CNTNAP2: variants seen among roughly 807,000 people sequenced by gnomAD.
CNTNAP2 encodes contactin-associated protein-like 2.
In CNTNAP2, 98 loss-of-function variants were observed where a neutral mutation model predicts 155.2. That is an observed-to-expected ratio of 0.63 (90% CI 0.54 to 0.75). The LOEUF is 0.75. Among genes scored for constraint, CNTNAP2 ranks in the 30% least tolerant of loss-of-function variants. The probability of loss-of-function intolerance (pLI) is 0.00; values close to 1 mark genes in which losing one functional copy is unlikely to be tolerated. For missense variants in CNTNAP2, 1,727 were observed against 1,688.1 expected, an observed-to-expected ratio of 1.02 and a Z score of -0.40; for synonymous variants, 651 against 631.2, an observed-to-expected ratio of 1.03 and a Z score of -0.47.
chr7:148,368,434 G>A (rs896799274), intron 21 of CNTNAP2, among the ~76,000 whole-genome samples: 9 of 152,176 alleles, frequency 5.9e-5, no homozygotes, highest in Non-Finnish European at 1.2e-4. Context: ...GTAGAGTGAT[G>A]GTTAAGAGCA....
chr7:148,122,264 T>G (rs1804613528), intron 16 of CNTNAP2, among the ~76,000 whole-genome samples: 1 of 152,178 alleles, frequency 6.6e-6, no homozygotes, highest in African/African-American at 2.4e-5. Context: ...AAGTCATTGC[T>G]GCTAACCTTA....
In CNTNAP2 at chr7:147,108,127, TA is replaced by T; in HGVS notation, c.551-19del. 6.4e-7 allele frequency: 1 copy of T among 1,571,544 alleles called. No homozygotes were observed. Among genetic ancestry groups the T allele is most frequent in the Non-Finnish European group, 8.6e-7 (1 of 1,157,894 alleles). On this transcript the variant is annotated intron_variant, in intron 4 of 23. Coordinates refer to ENST00000361727, the MANE Select transcript of CNTNAP2 (RefSeq NM_014141.6). Reference sequence around the variant, plus strand: ...AACATACATGGCTGAACTAATATGTTATTTTTTTTTTTGTTTTAGGGGCTGA... The same window carrying T: ...AACATACATGGCTGAACTAATATGTTTTTTTTTTTTTGTTTTAGGGGCTGA...
chr7:147,574,601 T>C (rs577243104), intron 12 of CNTNAP2, among the ~76,000 whole-genome samples: 81 of 149,534 alleles, frequency 5.4e-4, no homozygotes, highest in Non-Finnish European at 5.6e-4. Context: ...TCATTTTCTC[T>C]TTATTAGTCA....
In CNTNAP2 at chr7:147,603,913, C is replaced by T. The variant is rs1188949487; in HGVS notation, c.1898-35193C>T. On this transcript the variant is annotated intron_variant, in intron 12 of 23. Coordinates refer to ENST00000361727, the MANE Select transcript of CNTNAP2 (RefSeq NM_014141.6). ...AACAGAACAGAGCCCTCAGAAATAA[C>T]GCCGCATATCTACAACTATCTGATC... is the stretch of plus-strand genomic sequence containing the variant. 8.9e-4 allele frequency among the ~76,000 whole-genome samples: 135 copies of T among 151,744 alleles called. 2 individuals carry two copies. The South Asian group carries it at 0.02, about 23-fold the overall frequency.
At chr7:146,174,969 A>G (rs1798448654) in intron 1 of CNTNAP2, among the ~76,000 whole-genome samples, 1 of 152,200 alleles carries the variant, frequency 6.6e-6, no homozygotes, top group Admixed American at 6.5e-5. Context: ...AAATCTCATC[A>G]TAAGGTTGTA....
At chr7:147,331,622 GA>G (rs1795571163) in intron 9 of CNTNAP2, among the ~76,000 whole-genome samples, 1 of 151,868 alleles carries the variant, frequency 6.6e-6, no homozygotes, top group Admixed American at 6.6e-5. Flanking sequence ...ATGAGACTTA[GA>G]AAAAGCAGGT....
At chr7:146,501,470 A>G (rs1797299326) in intron 1 of CNTNAP2, among the ~76,000 whole-genome samples, 1 of 151,792 alleles carries the variant, frequency 6.6e-6, no homozygotes, top group Non-Finnish European at 1.5e-5. Flanking sequence ...GAATTTGCCC[A>G]TTTTCCCCAG....
At chr7:147,654,140 C>T (rs1233828121) in intron 13 of CNTNAP2, among the ~76,000 whole-genome samples, 2 of 152,036 alleles carry the variant, frequency 1.3e-5, no homozygotes, top group African/African-American at 4.8e-5. Flanking sequence ...AAGTGTGTAC[C>T]TCCTAAATGC....
intron 8 of CNTNAP2, among the ~76,000 whole-genome samples, chr7:147,224,814 A>G (rs1192601815): frequency 6.6e-6 from 1 of 152,182 alleles, no homozygotes; most frequent in Non-Finnish European, 1.5e-5. Context: ...ACACACATAT[A>G]CACCAGTGAT....
intron 2 of CNTNAP2, among the ~76,000 whole-genome samples, chr7:146,791,963 T>C (rs985709946): frequency 1.3e-5 from 2 of 152,178 alleles, no homozygotes; most frequent in African/African-American, 4.8e-5. Context: ...GATGGCTTAG[T>C]TGGAATAGAA....
intron 12 of CNTNAP2, among the ~76,000 whole-genome samples, chr7:147,565,329 A>G (rs1471326310): frequency 6.6e-6 from 1 of 152,172 alleles, no homozygotes; most frequent in Non-Finnish European, 1.5e-5. Context: ...GGGGCAGGCC[A>G]GAGCAGACCA....
chr7:148,080,431 C>G (rs1803573006), intron 15 of CNTNAP2, among the ~76,000 whole-genome samples: 1 of 151,636 alleles, frequency 6.6e-6, no homozygotes, highest in Admixed American at 6.6e-5. Context: ...CGGTGAAGCC[C>G]CATCTCTACT....
chr7:146,637,952 T>C (rs921834763), intron 1 of CNTNAP2, among the ~76,000 whole-genome samples: 11 of 152,240 alleles, frequency 7.2e-5, no homozygotes, highest in Admixed American at 3.3e-4. Context: ...ATAACATCCA[T>C]ATATATTGTC....
intron 2 of CNTNAP2, among the ~76,000 whole-genome samples, chr7:146,821,101 G>A (rs1803272419): frequency 1.3e-5 from 2 of 152,050 alleles, no homozygotes; most frequent in South Asian, 2.1e-4. Flanking sequence ...ACACTGATGG[G>A]TCTTGACTCT....
chr7:146,585,268 C>T (rs1307646881), intron 1 of CNTNAP2, among the ~76,000 whole-genome samples: 1 of 152,064 alleles, frequency 6.6e-6, no homozygotes, highest in Non-Finnish European at 1.5e-5. Flanking sequence ...ATTACAGGCA[C>T]ATGCCACCAC....
At chr7:147,117,002 G>A (rs1304697294) in intron 5 of CNTNAP2, among the ~76,000 whole-genome samples, 7 of 152,210 alleles carry the variant, frequency 4.6e-5, no homozygotes, top group Non-Finnish European at 8.8e-5. Flanking sequence ...GTCTCAAGAA[G>A]GCTTTGTCCT....
intron 13 of CNTNAP2, among the ~76,000 whole-genome samples, chr7:147,835,920 C>G (rs1465112660): frequency 1.3e-5 from 2 of 152,168 alleles, no homozygotes; most frequent in African/African-American, 2.4e-5. Context: ...CTGAAAGAGG[C>G]AACAAACCTC....
intron 9 of CNTNAP2, among the ~76,000 whole-genome samples, chr7:147,332,858 C>A (rs1377136848): frequency 1.3e-5 from 2 of 151,992 alleles, no homozygotes; most frequent in Non-Finnish European, 2.9e-5. Context: ...TGAGACTCCA[C>A]CTCAAAAAAT....
intron 13 of CNTNAP2, among the ~76,000 whole-genome samples, chr7:147,774,985 T>C (rs1359821944): frequency 6.6e-6 from 1 of 151,660 alleles, no homozygotes; most frequent in Non-Finnish European, 1.5e-5. Flanking sequence ...CTACTTACTA[T>C]GCTGACTCTT....
Sources: allele counts gnomAD v4.1 joint callset (sites outside exome capture counted in the v4.1 genomes callset), GRCh38; gene constraint gnomAD v4.1.1; transcripts MANE v1.5; gene names NCBI Gene and HGNC (gene_info 2026-07-23, HGNC 2026-07-21).